DGKI: variants seen among roughly 807,000 people sequenced by gnomAD.
The protein encoded by DGKI is DAG kinase iota.
DGKI carries 55 observed loss-of-function variants against 147.5 expected under a neutral mutation model. The observed-to-expected ratio is 0.37, with a 90% CI of 0.30 to 0.47. The LOEUF is 0.47. DGKI is among the 20% of genes least tolerant of loss of function. The pLI, the probability that DGKI is intolerant of heterozygous loss-of-function variation, is 1.00. For missense variants in DGKI, 1,007 were observed against 1,323.8 expected (o/e 0.76, Z 3.71); for synonymous variants, 469 against 477.1 (o/e 0.98, Z 0.22).
intron 1 of DGKI, among the ~76,000 whole-genome samples, chr7:137,763,906 C>T (rs539194042): frequency 6.6e-6 from 1 of 152,316 alleles, no homozygotes; most frequent in South Asian, 2.1e-4. Context: ...ATACTTCTAA[C>T]CAGTAAGGAT....
chr7:137,687,439 G>T, intron 2 of DGKI, among the ~76,000 whole-genome samples: 1 of 152,190 alleles, frequency 6.6e-6, no homozygotes, highest in East Asian at 1.9e-4. Context: ...GAGAGTGGAG[G>T]AGAGGGAATG....
Position 137,656,536 on chromosome 7 carries a change from G to A in DGKI, c.611C>T (p.Ser204Leu). ...GACTGCACACTTCCTCCTGAGAGCT[G>A]ATTTCTACAATATTCAATTCAAAAG... ...EENCQVRFAK[S>L]ALRRKCAVCK... is the part of the protein sequence containing the mutation. Residue 204 changes from serine to leucine, a missense_variant, in exon 4 of 33, where the codon TCA (serine) becomes TTA (leucine). Around this residue, in one of 5 missense-constraint regions of DGKI, gnomAD observed 259 missense variants for 362.5 expected, o/e 0.71. Transcript: ENST00000614521. 6.2e-7 allele frequency: 1 copy of A among 1,614,004 alleles called. No individual in the cohort carries two copies.
At chr7:137,431,864 A>G (rs1450958384) in intron 28 of DGKI, among the ~76,000 whole-genome samples, 1 of 152,142 alleles carries the variant, frequency 6.6e-6, no homozygotes, top group Non-Finnish European at 1.5e-5. Flanking sequence ...GAAAGTTGCA[A>G]TTACTCAGAA....
At chr7:137,653,967 T>A (rs59893286) in intron 5 of DGKI, among the ~76,000 whole-genome samples, 20,072 of 152,140 alleles carry the variant, frequency 0.13, 3,952 homozygotes, top group African/African-American at 0.43. Flanking sequence ...GCCTGGAGCT[T>A]AACTGTCCAG....
At chr7:137,757,469 A>G (rs1795723755) in intron 1 of DGKI, among the ~76,000 whole-genome samples, 1 of 152,052 alleles carries the variant, frequency 6.6e-6, no homozygotes. Context: ...CTTCCTCTCC[A>G]TGTGATTTCC....
chr7:137,804,301 T>C (rs1338379991), intron 1 of DGKI, among the ~76,000 whole-genome samples: 1 of 152,218 alleles, frequency 6.6e-6, no homozygotes, highest in Non-Finnish European at 1.5e-5. Context: ...ATTACCACTT[T>C]ACAATTATTG....
At chr7:137,447,455 G>T (rs999840653) in intron 27 of DGKI, among the ~76,000 whole-genome samples, 18 of 152,196 alleles carry the variant, frequency 1.2e-4, no homozygotes, top group African/African-American at 4.3e-4. Context: ...TGAAAAGTGT[G>T]AAAGAAGGCT....
At chr7:137,525,567 C>T (rs903908103) in intron 20 of DGKI, among the ~76,000 whole-genome samples, 4 of 152,170 alleles carry the variant, frequency 2.6e-5, no homozygotes, top group Non-Finnish European at 5.9e-5. Flanking sequence ...AAAGTTCTTC[C>T]AGTTCCTAGT....
chr7:137,652,004 G>C (rs978455148), intron 5 of DGKI, among the ~76,000 whole-genome samples: 2 of 152,148 alleles, frequency 1.3e-5, no homozygotes, highest in Non-Finnish European at 2.9e-5. Flanking sequence ...ACAATGACTA[G>C]AAAGTGACAT....
At chr7:137,470,414 C>T (rs1814836673) in intron 23 of DGKI, among the ~76,000 whole-genome samples, 1 of 152,172 alleles carries the variant, frequency 6.6e-6, no homozygotes, top group Non-Finnish European at 1.5e-5. Flanking sequence ...AATTTAGACT[C>T]TGGACTATCT....
rs781196842 is a variant in DGKI at position 137,795,548 on chromosome 7, C to T, written c.401+50914G>A. 8.5e-5 allele frequency among the ~76,000 whole-genome samples: 13 copies of T among 152,210 alleles called. 1 individual carries two copies. Among genetic ancestry groups the T allele is most frequent in the Non-Finnish European group, 1.5e-4 (10 of 68,010 alleles). ...CTGCCTGAGGTGGCCCTATCTGTTGCGGCAAATTAAGAAGCTGATCGAAAA... is the reference window on the plus strand; with the variant it reads ...CTGCCTGAGGTGGCCCTATCTGTTGTGGCAAATTAAGAAGCTGATCGAAAA... On this transcript the variant is annotated intron_variant, in intron 1 of 32. Transcript: ENST00000614521.
rs199576147 is a variant in DGKI at position 137,391,209 on chromosome 7, G to A, written c.*11C>T. On this transcript the variant is annotated 3_prime_UTR_variant, in exon 33 of 33. Coordinates refer to ENST00000614521, the MANE Select transcript of DGKI (RefSeq NM_001321708.2). ...ACGCTTGCTCATGTCCTCTTTGCCCGAATACCAGGGTCAAACAGCAGTTTC... is the reference window on the plus strand; with the variant it reads ...ACGCTTGCTCATGTCCTCTTTGCCCAAATACCAGGGTCAAACAGCAGTTTC... 1.1e-5 allele frequency: 17 copies of A among 1,606,196 alleles called. No homozygotes were observed. Among genetic ancestry groups the A allele is most frequent in the Middle Eastern group, 1.7e-4 (1 of 5,926 alleles).
At chr7:137,542,957 C>T (rs1817751298) in intron 20 of DGKI, among the ~76,000 whole-genome samples, 1 of 151,982 alleles carries the variant, frequency 6.6e-6, no homozygotes, top group Admixed American at 6.6e-5. Flanking sequence ...AGTAAACACT[C>T]AATAATGTTT....
intron 7 of DGKI, among the ~76,000 whole-genome samples, chr7:137,621,956 G>T (rs1820763650): frequency 6.6e-6 from 1 of 152,208 alleles, no homozygotes; most frequent in African/African-American, 2.4e-5. Context: ...GGGGACCCCA[G>T]GACCACAAAT....
intron 1 of DGKI, among the ~76,000 whole-genome samples, chr7:137,757,519 C>A (rs570196155): frequency 6.6e-6 from 1 of 152,142 alleles, no homozygotes; most frequent in Non-Finnish European, 1.5e-5. Context: ...TAGTCCCATA[C>A]GGTAAGGAGT....
At chr7:137,464,211 C>G (rs1434030949) in intron 26 of DGKI, among the ~76,000 whole-genome samples, 2 of 145,328 alleles carry the variant, frequency 1.4e-5, no homozygotes, top group Non-Finnish European at 3.0e-5. Context: ...GAGCCAAGAT[C>G]GCACCACTGC....
chr7:137,398,302 G>A (rs570705722), intron 30 of DGKI, among the ~76,000 whole-genome samples: 103 of 152,234 alleles, frequency 6.8e-4, no homozygotes, highest in African/African-American at 1.5e-3. Context: ...GTAACAAACC[G>A]TTTTAAAATA....
intron 21 of DGKI, among the ~76,000 whole-genome samples, chr7:137,504,739 T>A (rs998754558): frequency 6.6e-6 from 1 of 152,068 alleles, no homozygotes; most frequent in Admixed American, 6.6e-5. Flanking sequence ...AAGAAACCAA[T>A]AGCCTTTTAA....
intron 6 of DGKI, among the ~76,000 whole-genome samples, chr7:137,633,709 A>G (rs1821214770): frequency 6.6e-6 from 1 of 152,254 alleles, no homozygotes; most frequent in East Asian, 1.9e-4. Context: ...CCAAATTTAG[A>G]ATATTTCAGC....
Sources: gnomAD v4.1 joint callset for allele counts (sites outside exome capture counted in the v4.1 genomes callset) on GRCh38, gnomAD v4.1.1 for gene constraint, gnomAD v4.1.1 regional missense constraint, MANE v1.5 for transcripts, NCBI Gene and HGNC (gene_info 2026-07-23, HGNC 2026-07-21) for gene names.